Variants in AKAP13 observed in about 807,000 individuals in gnomAD.
AKAP13 encodes A-kinase anchoring protein 13, also known as A-kinase anchor protein 13.
AKAP13 carries 80 observed loss-of-function variants against 264.5 expected under a neutral mutation model. That is an observed-to-expected ratio of 0.30 (90% CI 0.25 to 0.36). AKAP13 has a LOEUF of 0.36. AKAP13 is among the 10% of genes least tolerant of loss of function. The probability of loss-of-function intolerance (pLI) is 1.00; values close to 1 mark genes in which losing one functional copy is unlikely to be tolerated. For synonymous variants in AKAP13, 1,380 were observed against 1,250.2 expected, an observed-to-expected ratio of 1.10 and a Z score of -2.19; for missense variants, 3,712 against 3,435.2, an observed-to-expected ratio of 1.08 and a Z score of -2.01.
chr15:85,532,757 TC>T (rs1182706151), intron 3 of AKAP13, among the ~76,000 whole-genome samples: 1 of 152,236 alleles, frequency 6.6e-6, no homozygotes, highest in African/African-American at 2.4e-5. Context: ...TGGTGTTAAA[TC>T]TTGCTGACCT....
At chr15:85,387,871 A>C (rs918539552) in intron 1 of AKAP13, among the ~76,000 whole-genome samples, 2 of 152,140 alleles carry the variant, frequency 1.3e-5, no homozygotes, top group African/African-American at 4.8e-5. Flanking sequence ...ATATAGAAAG[A>C]TCATTTTATA....
chr15:85,620,094 G>A, intron 8 of AKAP13: 2 of 1,536,096 alleles, frequency 1.3e-6, no homozygotes, highest in Non-Finnish European at 8.7e-7. Flanking sequence ...TGGGCAAAAT[G>A]TATGAACGGC....
chr15:85,646,161 G>A (rs1184447517), intron 10 of AKAP13, among the ~76,000 whole-genome samples: 1 of 152,146 alleles, frequency 6.6e-6, no homozygotes, highest in African/African-American at 2.4e-5. Context: ...AGAAGGAAGC[G>A]CCAGATTACC....
chr15:85,540,532 A>G (rs2077550273), intron 4 of AKAP13, among the ~76,000 whole-genome samples: 1 of 152,212 alleles, frequency 6.6e-6, no homozygotes, highest in African/African-American at 2.4e-5. Context: ...ACTGTAGGAA[A>G]GGCCATTAGT....
chr15:85,674,669 C>T (rs2084119050), intron 14 of AKAP13, among the ~76,000 whole-genome samples: 1 of 152,142 alleles, frequency 6.6e-6, no homozygotes, highest in Non-Finnish European at 1.5e-5. Flanking sequence ...GTGGCAGTTA[C>T]ATATCTGTAC....
At chr15:85,384,332 C>G (rs2070442135) in intron 1 of AKAP13, among the ~76,000 whole-genome samples, 1 of 152,162 alleles carries the variant, frequency 6.6e-6, no homozygotes, top group African/African-American at 2.4e-5. Context: ...GGACAGGCAT[C>G]CATTTGGAAG....
rs1240978855 is a variant in AKAP13 at position 85,718,939 on chromosome 15, G to C, written c.6002-137G>C. The C allele has an allele frequency of 6.5e-6, 8 of 1,221,446 alleles. No homozygotes were observed. The highest frequency in any genetic ancestry group is 9.1e-6 in the Non-Finnish European group (8 of 883,762). 75.7% of individuals were successfully genotyped at this position (1,221,446 alleles called of 1,614,324 possible). A position where few individuals can be genotyped will look rare whatever the true frequency, so the allele number is the denominator to read the frequency against. ...AAACAAAAAAACGAGAACACTTTTA[G>C]GGGAAAGATAGCTGTTGACCCAATT... On this transcript the variant is annotated intron_variant, in intron 22 of 36. Coordinates refer to ENST00000394518, the MANE Select transcript of AKAP13 (RefSeq NM_007200.5). The surrounding 1 kb of genome is among the most constrained non-coding windows in gnomAD (Gnocchi z 4.9).
At chr15:85,419,846 TAA>T (rs1427040493) in intron 1 of AKAP13, among the ~76,000 whole-genome samples, 1 of 151,744 alleles carries the variant, frequency 6.6e-6, no homozygotes, top group African/African-American at 2.4e-5. Context: ...TGTAAGGCTG[TAA>T]AGAGTGAAGA....
intron 1 of AKAP13, among the ~76,000 whole-genome samples, chr15:85,450,183 A>G (rs2074033243): frequency 6.6e-6 from 1 of 151,752 alleles, no homozygotes; most frequent in African/African-American, 2.4e-5. Flanking sequence ...CATCTCTTCT[A>G]GTTTTTCTAG....
At chr15:85,589,929 C>T (rs1464502123) in intron 8 of AKAP13, among the ~76,000 whole-genome samples, 1 of 150,212 alleles carries the variant, frequency 6.7e-6, no homozygotes, top group African/African-American at 2.5e-5. Context: ...TCTGTCTTTC[C>T]TGAATAGCTT....
chr15:85,423,860 G>A (rs1001188119), intron 1 of AKAP13, among the ~76,000 whole-genome samples: 5 of 152,312 alleles, frequency 3.3e-5, no homozygotes. Context: ...GAAAGCAAGT[G>A]TGTTAGCAGG....
intron 1 of AKAP13, among the ~76,000 whole-genome samples, chr15:85,478,586 T>C (rs186203125): frequency 2.2e-4 from 34 of 152,254 alleles, no homozygotes; most frequent in African/African-American, 7.2e-4. Flanking sequence ...AACGTGGGTG[T>C]TACTGTTTTG....
intron 35 of AKAP13, among the ~76,000 whole-genome samples, chr15:85,742,958 G>A (rs149718825): frequency 3.2e-4 from 49 of 152,182 alleles, no homozygotes; most frequent in Non-Finnish European, 5.9e-4. Context: ...CAATAAAATC[G>A]GTGCTTTGAC....
chr15:85,489,704 T>G (rs1453290917), intron 2 of AKAP13, among the ~76,000 whole-genome samples: 1 of 152,206 alleles, frequency 6.6e-6, no homozygotes, highest in African/African-American at 2.4e-5. Flanking sequence ...ATCTGTCAGT[T>G]AAGACAAATA....
At chr15:85,511,440 A>T (rs1419863713) in intron 2 of AKAP13, among the ~76,000 whole-genome samples, 1 of 152,186 alleles carries the variant, frequency 6.6e-6, no homozygotes, top group Non-Finnish European at 1.5e-5. Flanking sequence ...TGGATATAGA[A>T]TAAGTACAAA....
intron 33 of AKAP13, among the ~76,000 whole-genome samples, chr15:85,738,815 G>A (rs1210678418): frequency 6.9e-5 from 10 of 145,896 alleles, no homozygotes; most frequent in South Asian, 2.2e-4. Flanking sequence ...TCCGCAGTCC[G>A]GCCTGGGCGA....
chr15:85,607,859 A>G (rs1385265248), intron 8 of AKAP13, among the ~76,000 whole-genome samples: 1 of 152,244 alleles, frequency 6.6e-6, no homozygotes, highest in African/African-American at 2.4e-5. Context: ...TAGTCTCTGA[A>G]TGAACAGAAG....
chr15:85,463,010 C>T (rs1343766182), intron 1 of AKAP13, among the ~76,000 whole-genome samples: 4 of 107,188 alleles, frequency 3.7e-5, no homozygotes, highest in East Asian at 2.4e-4. Flanking sequence ...GGCGACAGAG[C>T]GAGACTCCGT....
chr15:85,661,569 A>G (rs2083347225), intron 12 of AKAP13, among the ~76,000 whole-genome samples: 1 of 152,004 alleles, frequency 6.6e-6, no homozygotes, highest in Admixed American at 6.6e-5. Context: ...AAAAAATACA[A>G]AATTAGCTGG....
Sources: allele counts gnomAD v4.1 joint callset (sites outside exome capture counted in the v4.1 genomes callset), GRCh38; gene constraint gnomAD v4.1.1; non-coding constraint Gnocchi (gnomAD v3.1); transcripts MANE v1.5; gene names NCBI Gene and HGNC (gene_info 2026-07-23, HGNC 2026-07-21).